Variants in GPM6A observed in about 807,000 individuals in gnomAD.
GPM6A encodes neuronal membrane glycoprotein M6-a.
In GPM6A, 7 loss-of-function variants were observed where a neutral mutation model predicts 32.1. The observed-to-expected ratio is 0.22, with a 90% confidence interval of 0.12 to 0.41. The LOEUF (loss-of-function observed/expected upper bound fraction) is 0.41, where lower values mean the gene tolerates loss of function less well. Ranked by LOEUF, GPM6A falls within the 10% of genes least tolerant of loss-of-function variation. The pLI, the probability that GPM6A is intolerant of heterozygous loss-of-function variation, is 1.00. For synonymous variants in GPM6A, 130 were observed against 123.4 expected (o/e 1.05, Z -0.35); for missense variants, 235 against 347.2 (o/e 0.68, Z 2.57).
chr4:175,860,218 A>G (rs1736533546), intron 1 of GPM6A, among the ~76,000 whole-genome samples: 1 of 151,976 alleles, frequency 6.6e-6, no homozygotes, highest in South Asian at 2.1e-4. Context: ...ATGAAATTGA[A>G]AAGAGTGAAA....
At chr4:176,001,751 G>A (rs1486958358) in intron 1 of GPM6A, among the ~76,000 whole-genome samples, 2 of 152,152 alleles carry the variant, frequency 1.3e-5, no homozygotes, top group Non-Finnish European at 2.9e-5. Context: ...ACTTCGTTTG[G>A]AAAGGGACTA....
At chr4:175,671,932 C>T (rs1332438491) in intron 3 of GPM6A, among the ~76,000 whole-genome samples, 1 of 151,752 alleles carries the variant, frequency 6.6e-6, no homozygotes, top group Non-Finnish European at 1.5e-5. Flanking sequence ...GCAGCTGCTG[C>T]CACCCTTCTG....
chr4:175,961,594 C>A (rs754666495), intron 1 of GPM6A, among the ~76,000 whole-genome samples: 3 of 151,960 alleles, frequency 2.0e-5, no homozygotes, highest in African/African-American at 7.2e-5. Flanking sequence ...CCCAGTGGGG[C>A]CTTCCTAGGA....
intron 1 of GPM6A, among the ~76,000 whole-genome samples, chr4:175,893,434 T>C (rs778455047): frequency 3.3e-5 from 5 of 152,104 alleles, no homozygotes; most frequent in Non-Finnish European, 7.4e-5. Context: ...TTAGAAAAGG[T>C]AATAAAAGCA....
In GPM6A at chr4:175,705,377, G is replaced by A. The variant is rs79816299; in HGVS notation, c.38-3610C>T. On this transcript the variant is annotated intron_variant, in intron 1 of 6. Coordinates refer to ENST00000393658, the MANE Select transcript of GPM6A (RefSeq NM_201591.3). ...CTTTTGACTTAAGACCTGATCATCC[G>A]TCAAACTTCTATTCAAAGGAAGAAA... Among the ~76,000 whole-genome samples, 130 of 152,226 alleles carry A rather than the reference G, an allele frequency of 8.5e-4. 1 individual carries two copies. The highest frequency in any genetic ancestry group is 6.9e-3 in the Admixed American group (105 of 15,286).
At chr4:175,803,058 G>A (rs1734535366) in intron 1 of GPM6A, among the ~76,000 whole-genome samples, 1 of 151,992 alleles carries the variant, frequency 6.6e-6, no homozygotes, top group Admixed American at 6.6e-5. Context: ...GAAAAATTGT[G>A]TTTTATTCTT....
intron 1 of GPM6A, among the ~76,000 whole-genome samples, chr4:175,833,307 A>C (rs950990554): frequency 2.0e-5 from 3 of 152,170 alleles, no homozygotes; most frequent in African/African-American, 4.8e-5. Context: ...TCCATAGCAA[A>C]AATTATAGAA....
chr4:176,002,242 T>C, intron 1 of GPM6A: 2 of 1,514,946 alleles, frequency 1.3e-6, no homozygotes, highest in South Asian at 1.2e-5. Flanking sequence ...ATTCATTTTC[T>C]TTCTATAATG....
chr4:175,688,035 A>G (rs1010246501), intron 2 of GPM6A, among the ~76,000 whole-genome samples: 7 of 151,944 alleles, frequency 4.6e-5, no homozygotes, highest in African/African-American at 1.2e-4. Context: ...TTAATTGGGT[A>G]TTTTTGTTTT....
At chr4:175,640,049 A>C in intron 6 of GPM6A, 80 bp downstream of exon 6, 5 of 1,118,466 alleles carry the variant, frequency 4.5e-6, no homozygotes, top group East Asian at 2.3e-5. Flanking sequence ...TTCAAACTTT[A>C]GAGATAGTTT....
At chr4:175,877,374 T>C (rs566202494) in intron 1 of GPM6A, among the ~76,000 whole-genome samples, 1 of 152,132 alleles carries the variant, frequency 6.6e-6, no homozygotes, top group Non-Finnish European at 1.5e-5. Context: ...CAGTTAAGCA[T>C]AGTATTAGTC....
rs190597371 is a variant in GPM6A at position 175,869,628 on chromosome 4, G to A, written c.-22-57379C>T. On this transcript the variant is annotated intron_variant, in intron 1 of 7. Transcript: ENST00000280187. ...AAAAATTATCTGGGCATGGTGGTGCGCACCTGTAGTCTCAACTATTCAGGA... is the reference window on the plus strand; with the variant it reads ...AAAAATTATCTGGGCATGGTGGTGCACACCTGTAGTCTCAACTATTCAGGA... Among the ~76,000 whole-genome samples, 411 of 152,068 alleles carry A rather than the reference G, an allele frequency of 2.7e-3. 2 individuals are homozygous for A. Among genetic ancestry groups the A allele is most frequent in the East Asian group, 4.5e-3 (23 of 5,156 alleles).
intron 1 of GPM6A, among the ~76,000 whole-genome samples, chr4:175,737,789 CAA>C (rs1731721489): frequency 6.6e-6 from 1 of 152,106 alleles, no homozygotes; most frequent in Admixed American, 6.6e-5. Context: ...AGAGAAGGAA[CAA>C]GAGAGGTACC....
intron 1 of GPM6A, among the ~76,000 whole-genome samples, chr4:175,799,278 C>T (rs1463918096): frequency 6.6e-6 from 1 of 152,114 alleles, no homozygotes; most frequent in Non-Finnish European, 1.5e-5. Context: ...TACATCATTT[C>T]CTTTTTGGCC....
chr4:175,938,229 G>T (rs116579017), intron 1 of GPM6A, among the ~76,000 whole-genome samples: 2,592 of 152,212 alleles, frequency 0.017, 64 homozygotes, highest in African/African-American at 0.058. Context: ...TAAAAGAGAG[G>T]ATTTGAAATA....
At chr4:175,869,381 A>G (rs1457544034) in intron 1 of GPM6A, among the ~76,000 whole-genome samples, 4 of 152,172 alleles carry the variant, frequency 2.6e-5, no homozygotes, top group African/African-American at 9.7e-5. Context: ...TGTATAGGAC[A>G]CACAAAATAA....
chr4:176,002,211 C>A, intron 1 of GPM6A: 1 of 1,280,480 alleles, frequency 7.8e-7, no homozygotes, highest in Non-Finnish European at 1.1e-6. Context: ...CTGGGAAGGA[C>A]GCAGTCTGAG....
chr4:175,981,456 T>C lies in GPM6A; in HGVS notation c.-23+20853A>G, dbSNP rs146478299. 6.3e-4 allele frequency among the ~76,000 whole-genome samples: 96 copies of C among 152,328 alleles called. 1 individual carries two copies. The East Asian group carries it at 0.019, about 29-fold the overall frequency. On this transcript the variant is annotated intron_variant, in intron 1 of 7. Transcript: ENST00000280187. Reference sequence around the variant, plus strand: ...CTTAAGCACTGCTTTGTTTTTTATCTTGATTGCCTTTTGAGAGTGTCACAT... The same window carrying C: ...CTTAAGCACTGCTTTGTTTTTTATCCTGATTGCCTTTTGAGAGTGTCACAT...
chr4:175,914,161 T>TGG lies in GPM6A; in HGVS notation c.-23+88146_-23+88147dup, dbSNP rs112560416. Among the ~76,000 whole-genome samples, 142 of 150,012 alleles carry TGG rather than the reference T, an allele frequency of 9.5e-4. 1 individual carries two copies. The South Asian group carries it at 0.021, about 22-fold the overall frequency. On this transcript the variant is annotated intron_variant, in intron 1 of 7. Coordinates refer to the GPM6A transcript ENST00000280187. ...AAAGAGAAAAGGAAAAAAAAATGTG[T>TGG]GGGGGGGGTAGGGATATGTAGTGAG...
Sources: gnomAD v4.1 joint callset for allele counts (sites outside exome capture counted in the v4.1 genomes callset) on GRCh38, gnomAD v4.1.1 for gene constraint, MANE v1.5 for transcripts, NCBI Gene and HGNC (gene_info 2026-07-23, HGNC 2026-07-21) for gene names.